CACNA1H: variants seen among roughly 807,000 people sequenced by gnomAD.
CACNA1H encodes voltage-dependent T-type calcium channel subunit alpha-1H.
In CACNA1H, 149 loss-of-function variants were observed where a neutral mutation model predicts 192.5. The observed-to-expected ratio is 0.77, with a 90% CI of 0.68 to 0.89. The LOEUF (loss-of-function observed/expected upper bound fraction) is 0.89. Ranked by LOEUF, CACNA1H falls within the 40% of genes least tolerant of loss-of-function variation. The pLI is 0.00. For synonymous variants in CACNA1H, 2,202 were observed against 1,475.2 expected (o/e 1.49, Z -11.29); for missense variants, 4,257 against 3,423.5 (o/e 1.24, Z -6.08).
At chr16:1,187,271 C>T (rs1038738295) in intron 2 of CACNA1H, among the ~76,000 whole-genome samples, 4 of 152,258 alleles carry the variant, frequency 2.6e-5, no homozygotes, top group Non-Finnish European at 5.9e-5. Flanking sequence ...CGGCCTCAGC[C>T]TTGGCACCCT....
chr16:1,159,044 G>A (rs1273092212), intron 2 of CACNA1H, among the ~76,000 whole-genome samples: 1 of 152,270 alleles, frequency 6.6e-6, no homozygotes, highest in Non-Finnish European at 1.5e-5. Flanking sequence ...CTGTTCGCCT[G>A]CCTGAGGCAC....
chr16:1,154,810 G>A (rs1006067107), intron 2 of CACNA1H, among the ~76,000 whole-genome samples: 2 of 152,202 alleles, frequency 1.3e-5, no homozygotes, highest in African/African-American at 2.4e-5. Flanking sequence ...CAGGGCCAGG[G>A]GCATTTGTGG....
At chr16:1,169,351 G>A (rs1179120414) in intron 2 of CACNA1H, among the ~76,000 whole-genome samples, 1 of 152,214 alleles carries the variant, frequency 6.6e-6, no homozygotes, top group Admixed American at 6.5e-5. Flanking sequence ...CAGAACCCCC[G>A]ACCTGCCCTC....
intron 16 of CACNA1H, among the ~76,000 whole-genome samples, chr16:1,208,536 C>T (rs1969031331): frequency 2.6e-5 from 4 of 152,164 alleles, no homozygotes; most frequent in African/African-American, 7.2e-5. Flanking sequence ...GCAGGCCAGG[C>T]GGGGGTTCCG....
rs1166262043 is a variant in CACNA1H, at chr16:1,153,971, G to C, written c.234G>C (p.Thr78=). 1 of 1,448,784 alleles carries C rather than the reference G, an allele frequency of 6.9e-7. No homozygotes were observed. The highest frequency in any genetic ancestry group is 1.3e-5 in the South Asian group (1 of 76,110). The allele number at this position is 1,448,784 out of a possible 1,614,324, so 89.7% of individuals were successfully genotyped here. A position where few individuals can be genotyped will look rare whatever the true frequency, so the allele number is the denominator to read the frequency against. ...TCCCGTACCCGGCCTTGGCGGCCAC[G>C]GTCTTCTTCTGCCTCGGTCAGACCA... ...QRVPYPALAA[T]VFFCLGQTTR... is the part of the protein sequence containing the mutation. The change falls in exon 2 of 35, where the codon ACG becomes ACC. Residue 78 remains threonine, a synonymous_variant. Coordinates refer to ENST00000348261, the MANE Select transcript of CACNA1H (RefSeq NM_021098.3).
intron 27 of CACNA1H, among the ~76,000 whole-genome samples, chr16:1,214,650 C>A (rs530073466): frequency 6.6e-6 from 1 of 152,164 alleles, no homozygotes; most frequent in Non-Finnish European, 1.5e-5. Flanking sequence ...ACACTGCCAT[C>A]GGGGTGCACA....
chr16:1,203,727 C>T (rs536538949), intron 9 of CACNA1H, among the ~76,000 whole-genome samples: 4 of 152,280 alleles, frequency 2.6e-5, no homozygotes, highest in South Asian at 2.1e-4. Context: ...CACGTCCCTG[C>T]GGTCTCTCTG....
intron 2 of CACNA1H, among the ~76,000 whole-genome samples, chr16:1,189,144 A>C (rs79796885): frequency 1.3e-5 from 2 of 152,120 alleles, no homozygotes; most frequent in African/African-American, 4.8e-5. Flanking sequence ...GCGGTGTGCA[A>C]CAGGAAGCCT....
chr16:1,158,298 A>G (rs1962701074), intron 2 of CACNA1H, among the ~76,000 whole-genome samples: 2 of 152,242 alleles, frequency 1.3e-5, no homozygotes. Flanking sequence ...CCACTCACCA[A>G]GAGCTGGGGG....
chr16:1,190,356 C>A (rs1966491803), intron 2 of CACNA1H, among the ~76,000 whole-genome samples: 1 of 152,264 alleles, frequency 6.6e-6, no homozygotes, highest in Admixed American at 6.5e-5. Flanking sequence ...TCACCAGGCT[C>A]CGTGCGACAC....
At chr16:1,216,890 C>T (rs753557890) in intron 30 of CACNA1H, 42 bp from the exon 31 acceptor site, 1 of 1,532,848 alleles carries the variant, frequency 6.5e-7, no homozygotes, top group Non-Finnish European at 8.9e-7. Context: ...TGAGGCCTCC[C>T]TGCCCGCCCG....
rs1004449397 is a variant in CACNA1H at position 1,221,655 on chromosome 16, T to G, written c.*661T>G. The G allele has an allele frequency of 7.9e-6, 8 of 1,008,066 alleles. No homozygotes were observed. The highest frequency in any genetic ancestry group is 1.6e-5 in the African/African-American group (1 of 61,318). The allele number at this position is 1,008,066 out of a possible 1,614,324, so 62.4% of individuals were successfully genotyped here. On this transcript the variant is annotated 3_prime_UTR_variant, in exon 35 of 35. Coordinates refer to ENST00000348261, the MANE Select transcript of CACNA1H (RefSeq NM_021098.3). Reference sequence around the variant, plus strand: ...CGCGAGATTCCCATTGACACCTTTGTTTCGTGTGCTTTTAAATTCAGGTTA... The same window carrying G: ...CGCGAGATTCCCATTGACACCTTTGGTTCGTGTGCTTTTAAATTCAGGTTA...
intron 11 of CACNA1H, 48 bp downstream of exon 11, chr16:1,205,313 T>A (rs768737184): frequency 4.5e-6 from 7 of 1,551,880 alleles, no homozygotes; most frequent in East Asian, 2.3e-5. Context: ...GAAGCTCCAC[T>A]CTCTGGCAGA....
In CACNA1H at chr16:1,201,778, A is replaced by G. The variant is rs771750212; in HGVS notation, c.1328A>G (p.Asn443Ser). ...GAGCAGCGGGCACGCCACCTGTCCA[A>G]CGACAGCACGCTGGCCAGCTTCTCC... Reference protein sequence around the residue: ...MREQRARHLSNDSTLASFSEP... With the variant: ...MREQRARHLSSDSTLASFSEP... Residue 443 changes from asparagine to serine, a missense_variant, in exon 9 of 35, where the codon AAC (asparagine) becomes AGC (serine). Physicochemically the swap from Asn to Ser is conservative, Grantham distance 46 (BLOSUM62 1). Coordinates refer to ENST00000348261, the MANE Select transcript of CACNA1H (RefSeq NM_021098.3). The G allele has an allele frequency of 1.9e-6, 3 of 1,602,922 alleles. No individual in the cohort carries two copies. The highest frequency in any genetic ancestry group is 2.6e-6 in the Non-Finnish European group (3 of 1,175,822).
chr16:1,206,362 C>T (rs1436196614), intron 12 of CACNA1H, 73 bp downstream of exon 12: 13 of 1,423,976 alleles, frequency 9.1e-6, no homozygotes, highest in African/African-American at 1.4e-5. Context: ...GCCCAGGGCA[C>T]CCCCCGAAGG....
rs1401632465 is a variant in CACNA1H at position 1,211,522 on chromosome 16, C to T, written c.4392C>T (p.Thr1464=). The stretch of plus-strand genomic sequence containing the variant: ...TCTACTACTGCGAGGGCCCCGACAC[C>T]AGGAACATCTCCACCAAGGCACAGT... The part of the protein sequence containing the change: ...GKFYYCEGPD[T]RNISTKAQCR... Residue 1464 remains threonine (T), a synonymous_variant, in exon 23 of 35, where the codon ACC becomes ACT. Transcript: ENST00000348261. 6.2e-7 allele frequency: 1 copy of T among 1,612,492 alleles called. No homozygotes were observed. The highest frequency in any genetic ancestry group is 2.2e-5 in the East Asian group (1 of 44,868).
At chr16:1,193,071 GCCGTGGGGGCTCAGGTCAGGGAGCA>G (rs1966757393) in intron 2 of CACNA1H, among the ~76,000 whole-genome samples, 1 of 152,182 alleles carries the variant, frequency 6.6e-6, no homozygotes, top group South Asian at 2.1e-4. Context: ...GGGGTAGAGT[GCCGTGGGGGCTCAGGTCAGGGAGCA>G]CCGTTCCCCA....
In CACNA1H at chr16:1,211,132, A is replaced by G. The variant is rs1414228442; in HGVS notation, c.4224-36A>G. On this transcript the variant is annotated intron_variant, in intron 21 of 34. Transcript: ENST00000348261. ...CTGCCGGCGCCTGGCAGCTGCTGCCATAGATGACTGCAGTGTATCCTTCAC... is the reference window on the plus strand; with the variant it reads ...CTGCCGGCGCCTGGCAGCTGCTGCCGTAGATGACTGCAGTGTATCCTTCAC... 4.4e-6 allele frequency: 7 copies of G among 1,605,014 alleles called. No homozygotes were observed. In the South Asian group the frequency reaches 6.6e-5, roughly 15 times the overall value.
intron 3 of CACNA1H, 84 bp from the exon 4 acceptor site, chr16:1,195,348 G>A: frequency 6.6e-7 from 1 of 1,525,440 alleles, no homozygotes; most frequent in African/African-American, 1.4e-5. Flanking sequence ...CAAGACTGGG[G>A]GCCGGGCTCT....
Sources: gnomAD v4.1 joint callset for allele counts (sites outside exome capture counted in the v4.1 genomes callset) on GRCh38, gnomAD v4.1.1 for gene constraint, MANE v1.5 for transcripts, NCBI Gene and HGNC (gene_info 2026-07-23, HGNC 2026-07-21) for gene names.